Variants in ADAMTS3 observed in about 807,000 individuals in gnomAD.
ADAMTS3 encodes ADAM metallopeptidase with thrombospondin type 1 motif 3.
Under a neutral mutation model 129.0 loss-of-function variants are expected in ADAMTS3, and 73 were observed. The ratio of observed to expected loss-of-function variants is 0.57; its 90% confidence interval spans 0.47 to 0.69. The LOEUF (loss-of-function observed/expected upper bound fraction) is 0.69. Ranked by LOEUF, ADAMTS3 falls within the 30% of genes least tolerant of loss-of-function variation. The probability of loss-of-function intolerance (pLI) is 0.00; values close to 1 mark genes in which losing one functional copy is unlikely to be tolerated. For synonymous variants in ADAMTS3, 477 were observed against 510.8 expected (o/e 0.93, Z 0.89); for missense variants, 1,457 against 1,514.5 (o/e 0.96, Z 0.63).
Position 72,428,366 on chromosome 4 carries a change from G to T in ADAMTS3, c.505-13395C>A, listed in dbSNP as rs190093696. On this transcript the variant is annotated intron_variant, in intron 3 of 21. Coordinates refer to ENST00000286657, the MANE Select transcript of ADAMTS3 (RefSeq NM_014243.3). ...TATCTGTTTTAGTTTTTCATGTTGG[G>T]CTTTTCATGTTAAGATATTTTACCT... 2.5e-3 allele frequency among the ~76,000 whole-genome samples: 381 copies of T among 151,862 alleles called. 2 individuals carry two copies. Among genetic ancestry groups the T allele is most frequent in the African/African-American group, 7.3e-3 (302 of 41,434 alleles).
intron 3 of ADAMTS3, among the ~76,000 whole-genome samples, chr4:72,438,721 G>A (rs1718034580): frequency 6.6e-6 from 1 of 151,670 alleles, no homozygotes; most frequent in South Asian, 2.1e-4. Flanking sequence ...AAAGAGTATT[G>A]AGGACACAGG....
intron 3 of ADAMTS3, among the ~76,000 whole-genome samples, chr4:72,527,516 T>C (rs898705323): frequency 1.3e-5 from 2 of 152,172 alleles, no homozygotes; most frequent in Non-Finnish European, 2.9e-5. Flanking sequence ...AAAATACTTA[T>C]TGAATGAATC....
chr4:72,414,171 A>G (rs1020900177), intron 4 of ADAMTS3, among the ~76,000 whole-genome samples: 11 of 151,862 alleles, frequency 7.2e-5, no homozygotes, highest in Admixed American at 3.9e-4. Flanking sequence ...TCCCCAAAGG[A>G]AATTTTATAT....
intron 4 of ADAMTS3, among the ~76,000 whole-genome samples, chr4:72,380,308 A>G (rs1250856266): frequency 6.6e-6 from 1 of 152,140 alleles, no homozygotes; most frequent in Non-Finnish European, 1.5e-5. Context: ...AGACATCTCT[A>G]TCACTATTGA....
chr4:72,389,164 G>A (rs1578636890), intron 4 of ADAMTS3, among the ~76,000 whole-genome samples: 1 of 152,126 alleles, frequency 6.6e-6, no homozygotes, highest in Non-Finnish European at 1.5e-5. Flanking sequence ...TTTTTAATAT[G>A]CCAGCCAATG....
chr4:72,400,687 C>T (rs1435598284), intron 4 of ADAMTS3, among the ~76,000 whole-genome samples: 1 of 43,904 alleles, frequency 2.3e-5, no homozygotes, highest in African/African-American at 9.5e-5. Flanking sequence ...GATATGCACA[C>T]GGTGTGTATA....
At chr4:72,375,824 C>T (rs1721120572) in intron 4 of ADAMTS3, among the ~76,000 whole-genome samples, 1 of 152,062 alleles carries the variant, frequency 6.6e-6, no homozygotes, top group Non-Finnish European at 1.5e-5. Flanking sequence ...AAATAAGCAT[C>T]CTTATCTTGA....
chr4:72,501,126 A>T (rs1172888924), intron 3 of ADAMTS3, among the ~76,000 whole-genome samples: 1 of 152,100 alleles, frequency 6.6e-6, no homozygotes, highest in Non-Finnish European at 1.5e-5. Flanking sequence ...GAATTTTAAA[A>T]TAGTTTTTTC....
At chr4:72,342,597 T>A (rs887220398) in intron 4 of ADAMTS3, among the ~76,000 whole-genome samples, 14 of 152,082 alleles carry the variant, frequency 9.2e-5, no homozygotes, top group African/African-American at 3.4e-4. Flanking sequence ...GGTCTCAAAC[T>A]CCTGACCTCA....
chr4:72,288,058 G>T (rs754139901), intron 21 of ADAMTS3, among the ~76,000 whole-genome samples: 15 of 152,094 alleles, frequency 9.9e-5, no homozygotes, highest in Admixed American at 6.5e-4. Context: ...TAGAGACAGG[G>T]TTTTACCATG....
At chr4:72,297,259 T>C (rs1309630059) in intron 18 of ADAMTS3, among the ~76,000 whole-genome samples, 1 of 152,058 alleles carries the variant, frequency 6.6e-6, no homozygotes, top group Non-Finnish European at 1.5e-5. Context: ...ATGTGGTAGA[T>C]ATGAAGAAGG....
chr4:72,332,476 C>G (rs1414959801), intron 5 of ADAMTS3, among the ~76,000 whole-genome samples: 1 of 152,096 alleles, frequency 6.6e-6, no homozygotes, highest in Non-Finnish European at 1.5e-5. Context: ...GATGAATTCA[C>G]TCAATAATTT....
intron 3 of ADAMTS3, among the ~76,000 whole-genome samples, chr4:72,462,744 T>C (rs940203464): frequency 2.0e-5 from 3 of 151,824 alleles, no homozygotes; most frequent in Non-Finnish European, 2.9e-5. Flanking sequence ...AAATATAGAA[T>C]AGAATATAAA....
At chr4:72,478,645 C>A (rs1484619206) in intron 3 of ADAMTS3, among the ~76,000 whole-genome samples, 2 of 149,192 alleles carry the variant, frequency 1.3e-5, no homozygotes, top group African/African-American at 2.5e-5. Context: ...GACAGGGATG[C>A]CCTCTCTCAC....
intron 3 of ADAMTS3, among the ~76,000 whole-genome samples, chr4:72,418,213 G>T (rs1349764466): frequency 6.6e-6 from 1 of 151,926 alleles, no homozygotes; most frequent in African/African-American, 2.4e-5. Context: ...AAATTATCTA[G>T]TATCTATTTC....
At chr4:72,553,529 G>A (rs1721692043) in intron 2 of ADAMTS3, among the ~76,000 whole-genome samples, 1 of 152,120 alleles carries the variant, frequency 6.6e-6, no homozygotes, top group Admixed American at 6.5e-5. Flanking sequence ...TCTCAAGTTA[G>A]TGGTAGAGAG....
intron 2 of ADAMTS3, among the ~76,000 whole-genome samples, chr4:72,561,337 ACT>A (rs1721898599): frequency 6.6e-6 from 1 of 150,450 alleles, no homozygotes; most frequent in Non-Finnish European, 1.5e-5. Context: ...ACAGAGTGAG[ACT>A]CTGTCTCAAA....
In ADAMTS3 at chr4:72,468,935, A is replaced by ATT. The variant is rs1718991965; in HGVS notation, c.505-53965_505-53964insAA. Among the ~76,000 whole-genome samples the ATT allele has an allele frequency of 3.9e-5, 6 of 152,104 alleles. 1 individual carries two copies. Among genetic ancestry groups the ATT allele is most frequent in the Admixed American group, 2.6e-4 (4 of 15,240 alleles). On this transcript the variant is annotated intron_variant, in intron 3 of 21. Coordinates refer to ENST00000286657, the MANE Select transcript of ADAMTS3 (RefSeq NM_014243.3). ...GCAGTCTCTGGTTTCCAATAAAAAG[A>ATT]TGGCACAGCATCTTTCTTACCAAGA...
chr4:72,406,687 A>G (rs1236899153), intron 4 of ADAMTS3, among the ~76,000 whole-genome samples: 1 of 152,188 alleles, frequency 6.6e-6, no homozygotes, highest in African/African-American at 2.4e-5. Context: ...TCAGGTCCTG[A>G]GTCTCAATAT....
Sources: allele counts gnomAD v4.1 joint callset (sites outside exome capture counted in the v4.1 genomes callset), GRCh38; gene constraint gnomAD v4.1.1; transcripts MANE v1.5; gene names NCBI Gene and HGNC (gene_info 2026-07-23, HGNC 2026-07-21).